LEPROT: variants seen among roughly 807,000 people sequenced by gnomAD.
The protein encoded by LEPROT is leptin receptor gene-related protein.
In LEPROT, 3 loss-of-function variants were observed where a neutral mutation model predicts 15.4. The observed-to-expected ratio is 0.19, with a 90% CI of 0.09 to 0.50. The LOEUF is 0.50. LEPROT is among the 20% of genes least tolerant of loss of function. The pLI, the probability that LEPROT is intolerant of heterozygous loss-of-function variation, is 0.97. For missense variants in LEPROT, 137 were observed against 162.2 expected, an observed-to-expected ratio of 0.84 and a Z score of 0.84; for synonymous variants, 59 against 57.5, an observed-to-expected ratio of 1.03 and a Z score of -0.12.
At chr1:65,423,863 C>T (rs1185343405) in intron 1 of LEPROT, among the ~76,000 whole-genome samples, 1 of 152,184 alleles carries the variant, frequency 6.6e-6, no homozygotes. Context: ...CTTTTGATTT[C>T]TACCTTTATC....
At chr1:65,428,972 T>G (rs1047170066) in intron 2 of LEPROT, among the ~76,000 whole-genome samples, 1 of 152,204 alleles carries the variant, frequency 6.6e-6, no homozygotes, top group Non-Finnish European at 1.5e-5. Flanking sequence ...ATATTTATTT[T>G]CATGCCTTCC....
chr1:65,430,574 A>G (rs964617763), intron 3 of LEPROT, among the ~76,000 whole-genome samples: 3 of 152,190 alleles, frequency 2.0e-5, no homozygotes, highest in Non-Finnish European at 4.4e-5. Context: ...AATTTATTCA[A>G]TTATTTGCTA....
At position 65,432,664 on chromosome 1, in the gene LEPROT, G is replaced by A; in HGVS notation, c.*745G>A. 5.1e-6 allele frequency: 5 copies of A among 983,654 alleles called. No individual in the cohort carries two copies. Among genetic ancestry groups the A allele is most frequent in the Non-Finnish European group, 6.0e-6 (5 of 828,450 alleles). 60.9% of individuals were successfully genotyped at this position (983,654 alleles called of 1,614,324 possible). On this transcript the variant is annotated 3_prime_UTR_variant, in exon 4 of 4. Transcript: ENST00000371065. ...GCAGTTCCTCAAATTTATGAAAAGT[G>A]TTCTCAGAATTGGGAGACAGTCAAA...
rs3790435 is a variant in LEPROT, at chr1:65,420,715, T to C, written c.-10T>C. 758,956 of 1,580,160 alleles carry C rather than the reference T, an allele frequency of 0.48. 186,856 individuals are homozygous for C. The highest frequency in any genetic ancestry group is 0.86 in the East Asian group (37,094 of 43,350). The stretch of plus-strand genomic sequence containing the variant: ...AAGCCGGAAGCAGCCGCGGCCCCAG[T>C]TCGGGAGACATGGCGGGCGTTAAAG... On this transcript the variant is annotated 5_prime_UTR_variant, in exon 1 of 4. Coordinates refer to ENST00000371065, the MANE Select transcript of LEPROT (RefSeq NM_017526.5).
chr1:65,424,202 A>T (rs896148179), intron 1 of LEPROT, among the ~76,000 whole-genome samples: 1 of 152,242 alleles, frequency 6.6e-6, no homozygotes, highest in African/African-American at 2.4e-5. Flanking sequence ...CTAGTGTCCA[A>T]TAGATACAGG....
In LEPROT at chr1:65,432,433, A is replaced by G. The variant is rs1646498819; in HGVS notation, c.*514A>G. The G allele has an allele frequency of 2.7e-5, 19 of 705,040 alleles. No individual in the cohort carries two copies. The highest frequency in any genetic ancestry group is 3.3e-5 in the Non-Finnish European group (19 of 573,606). The allele number at this position is 705,040 out of a possible 1,614,324, so 43.7% of individuals were successfully genotyped here. On this transcript the variant is annotated 3_prime_UTR_variant, in exon 4 of 4. Transcript: ENST00000371065. ...ACTCTGGACCCAGGACATTTTGATGAGATCCAAAGGAGTTGTATGCACATG... is the reference window on the plus strand; with the variant it reads ...ACTCTGGACCCAGGACATTTTGATGGGATCCAAAGGAGTTGTATGCACATG...
intron 2 of LEPROT, 36 bp downstream of exon 2, chr1:65,425,414 C>T (rs779393377): frequency 1.3e-5 from 20 of 1,550,590 alleles, no homozygotes; most frequent in Non-Finnish European, 1.7e-5. Flanking sequence ...ATTCCTCTTT[C>T]TGTGTCTTTG....
intron 1 of LEPROT, 22 bp downstream of exon 1, chr1:65,420,762 G>C (rs539912626): frequency 1.9e-6 from 3 of 1,576,510 alleles, no homozygotes; most frequent in South Asian, 2.3e-5. Flanking sequence ...TCCCCGGCTC[G>C]CTTGTCGTGT....
rs2100238213 is a variant in LEPROT at position 65,433,164 on chromosome 1, C to G, written c.*1245C>G. The G allele has an allele frequency of 1.0e-6, 1 of 985,480 alleles. No homozygotes were observed. Among genetic ancestry groups the G allele is most frequent in the South Asian group, 4.7e-5 (1 of 21,282 alleles). 61.0% of individuals were successfully genotyped at this position (985,480 alleles called of 1,614,324 possible). A position where few individuals can be genotyped will look rare whatever the true frequency, so the allele number is the denominator to read the frequency against. ...GGCACTTCTCCCCAGCTCCTTCCCT[C>G]TGCCCCCCACCCCTACTCCTCAACA... On this transcript the variant is annotated 3_prime_UTR_variant, in exon 4 of 4. Transcript: ENST00000371065.
In LEPROT at chr1:65,434,220, CAG is replaced by C; in HGVS notation, c.*2302_*2303del. 3 of 979,034 alleles carry C rather than the reference CAG, an allele frequency of 3.1e-6. No homozygotes were observed. The highest frequency in any genetic ancestry group is 3.6e-6 in the Non-Finnish European group (3 of 824,184). 60.6% of individuals were successfully genotyped at this position (979,034 alleles called of 1,614,324 possible). A position where few individuals can be genotyped will look rare whatever the true frequency, so the allele number is the denominator to read the frequency against. On this transcript the variant is annotated 3_prime_UTR_variant, in exon 4 of 4. Coordinates refer to ENST00000371065, the MANE Select transcript of LEPROT (RefSeq NM_017526.5). ...CTGCAGTGCCTAAATATCATTTAAACAGTAAATATTAATAGGAAATATTGCTA... is the reference window on the plus strand; with the variant it reads ...CTGCAGTGCCTAAATATCATTTAAACTAAATATTAATAGGAAATATTGCTA...
rs1044564955 is a variant in LEPROT at position 65,433,725 on chromosome 1, T to C, written c.*1806T>C. 15 of 917,258 alleles carry C rather than the reference T, an allele frequency of 1.6e-5. No homozygotes were observed. The highest frequency in any genetic ancestry group is 2.0e-5 in the Non-Finnish European group (15 of 768,310). The allele number at this position is 917,258 out of a possible 1,614,324, so 56.8% of individuals were successfully genotyped here. ...ATTTATATTAGAAAAATTATTTAGA[T>C]ACTTTATAATTTTAACCGGCATTTT... On this transcript the variant is annotated 3_prime_UTR_variant, in exon 4 of 4. Coordinates refer to ENST00000371065, the MANE Select transcript of LEPROT (RefSeq NM_017526.5).
intron 3 of LEPROT, 59 bp from the exon 4 acceptor site, chr1:65,431,744 T>C (rs1050562475): frequency 2.0e-6 from 3 of 1,533,846 alleles, no homozygotes; most frequent in African/African-American, 2.8e-5. Context: ...ATAATAGGGA[T>C]TGCAAAGAGT....
chr1:65,435,054 T>C lies in LEPROT; in HGVS notation c.*3135T>C. Reference sequence around the variant, plus strand: ...CCCACTGATTCTCATTCACAGAGAATGGGAGAACGGAATGAAGAAAGATTC... The same window carrying C: ...CCCACTGATTCTCATTCACAGAGAACGGGAGAACGGAATGAAGAAAGATTC... On this transcript the variant is annotated 3_prime_UTR_variant, in exon 4 of 4. Transcript: ENST00000371065. 1 of 985,454 alleles carries C rather than the reference T, an allele frequency of 1.0e-6. No homozygotes were observed. Among genetic ancestry groups the C allele is most frequent in the Non-Finnish European group, 1.2e-6 (1 of 829,956 alleles). The allele number at this position is 985,454 out of a possible 1,614,324, so 61.0% of individuals were successfully genotyped here. A position where few individuals can be genotyped will look rare whatever the true frequency, so the allele number is the denominator to read the frequency against.
intron 2 of LEPROT, 134 bp downstream of exon 2, chr1:65,425,512 G>T (rs1218372010): frequency 1.6e-6 from 1 of 644,116 alleles, no homozygotes; most frequent in Non-Finnish European, 2.6e-6. Flanking sequence ...TATGAACACA[G>T]TCCCTTTGTG....
chr1:65,425,494 G>A (rs763365761), intron 2 of LEPROT, 116 bp downstream of exon 2: 1 of 787,228 alleles, frequency 1.3e-6, no homozygotes, highest in African/African-American at 1.8e-5. Context: ...AGTTAGTGGA[G>A]CCCAGTTTAT....
At position 65,435,507 on chromosome 1, in the gene LEPROT, A is replaced by G. The variant is rs1458219874; in HGVS notation, c.*3588A>G. On this transcript the variant is annotated 3_prime_UTR_variant, in exon 4 of 4. Coordinates refer to ENST00000371065, the MANE Select transcript of LEPROT (RefSeq NM_017526.5). ...CTCAGCCTCCCAAGGAGCTGGGACT[A>G]CAGGCTCCCGCCACCACGCCTGGCT... is the stretch of plus-strand genomic sequence containing the variant. 2.6e-6 allele frequency: 1 copy of G among 383,212 alleles called. No homozygotes were observed. The highest frequency in any genetic ancestry group is 3.6e-6 in the Non-Finnish European group (1 of 280,200). The allele number at this position is 383,212 out of a possible 1,614,324, so 23.7% of individuals were successfully genotyped here. A position where few individuals can be genotyped will look rare whatever the true frequency, so the allele number is the denominator to read the frequency against.
At position 65,435,682 on chromosome 1, in the gene LEPROT, A is replaced by G. The variant is rs1436988159; in HGVS notation, c.*3763A>G. ...GTGCCCAGCCAAAATGTGCCTTTGC[A>G]AAGTTTGCGAAATCAGATTTTGTAT... is the stretch of plus-strand genomic sequence containing the variant. On this transcript the variant is annotated 3_prime_UTR_variant, in exon 4 of 4. Coordinates refer to ENST00000371065, the MANE Select transcript of LEPROT (RefSeq NM_017526.5). 1 of 985,314 alleles carries G rather than the reference A, an allele frequency of 1.0e-6. No individual in the cohort carries two copies. The highest frequency in any genetic ancestry group is 1.2e-6 in the Non-Finnish European group (1 of 829,936). 61.0% of individuals were successfully genotyped at this position (985,314 alleles called of 1,614,324 possible).
Position 65,430,065 on chromosome 1 carries a change from A to G in LEPROT, c.279+17A>G, listed in dbSNP as rs1193593645. 2 of 1,541,444 alleles carry G rather than the reference A, an allele frequency of 1.3e-6. No individual in the cohort carries two copies. Among genetic ancestry groups the G allele is most frequent in the Admixed American group, 1.7e-5 (1 of 57,674 alleles). ...GTGGCTGTGGTAAGTTTTATTTTCT[A>G]TTGTTTTGCCCAACCGTTGCTGAGT... On this transcript the variant is annotated intron_variant, in intron 3 of 3. Coordinates refer to ENST00000371065, the MANE Select transcript of LEPROT (RefSeq NM_017526.5).
chr1:65,426,013 G>A (rs187169522), intron 2 of LEPROT, among the ~76,000 whole-genome samples: 1 of 152,182 alleles, frequency 6.6e-6, no homozygotes, highest in Admixed American at 6.5e-5. Context: ...GTGTTTCAGT[G>A]GGGGAGACGG....
Sources: gnomAD v4.1 joint callset for allele counts (sites outside exome capture counted in the v4.1 genomes callset) on GRCh38, gnomAD v4.1.1 for gene constraint, MANE v1.5 for transcripts, NCBI Gene and HGNC (gene_info 2026-07-23, HGNC 2026-07-21) for gene names.